IGSF10: variants seen among roughly 807,000 people sequenced by gnomAD.
IGSF10 encodes calvaria mechanical force protein 608.
Under a neutral mutation model 128.2 loss-of-function variants are expected in IGSF10, and 126 were observed. The observed-to-expected ratio is 0.98, with a 90% CI of 0.85 to 1.14. The LOEUF is 1.14. Ranked by LOEUF, IGSF10 falls within the 50% of genes most tolerant of loss-of-function variation. IGSF10 has a pLI of 0.00. For missense variants in IGSF10, 3,295 were observed against 3,149.8 expected (o/e 1.05, Z -1.10); for synonymous variants, 1,185 against 1,146.2 (o/e 1.03, Z -0.68).
the IGSF10 span, among the ~76,000 whole-genome samples, chr3:151,489,496 C>A: frequency 0.039 from 5,945 of 152,116 alleles, 380 homozygotes; most frequent in African/African-American, 0.14. Context: ...GATTATAAAT[C>A]TTTCTACTAT....
chr3:151,445,891 G>C lies in IGSF10; in HGVS notation c.4090C>G (p.Gln1364Glu), dbSNP rs752253062. 55 of 1,614,052 alleles carry C rather than the reference G, an allele frequency of 3.4e-5. 1 individual carries two copies. In the South Asian group the frequency reaches 5.8e-4, roughly 17 times the overall value. The change falls in exon 6 of 8, where the codon CAG (glutamine) becomes GAG (glutamate). Residue 1364 changes from glutamine to glutamate, a missense_variant. Coordinates refer to ENST00000282466, the MANE Select transcript of IGSF10 (RefSeq NM_178822.5). ...NRTDPNISPDQSSGFTTPTAM... is the reference protein window; with the variant it reads ...NRTDPNISPDESSGFTTPTAM... ...GTGGGTGTAGTGAAGCCAGAACTCT[G>C]GTCTGGAGAGATGTTTGGGTCAGTC...
At chr3:151,558,787 G>T in the IGSF10 span, among the ~76,000 whole-genome samples, 1 of 152,132 alleles carries the variant, frequency 6.6e-6, no homozygotes. Context: ...CTCTGGAGGG[G>T]TCACCTTTTG....
chr3:151,467,887 A>AG, the IGSF10 span, among the ~76,000 whole-genome samples: 2 of 149,724 alleles, frequency 1.3e-5, no homozygotes, highest in South Asian at 2.1e-4. Context: ...ATCTCAAAAA[A>AG]AAAAAGAAAA....
At chr3:151,476,367 T>C in the IGSF10 span, among the ~76,000 whole-genome samples, 1 of 151,946 alleles carries the variant, frequency 6.6e-6, no homozygotes, top group Non-Finnish European at 1.5e-5. Flanking sequence ...AATGAGCGCC[T>C]GGGTGTAGGT....
intron 3 of IGSF10, among the ~76,000 whole-genome samples, chr3:151,457,823 C>G (rs1721869545): frequency 6.6e-6 from 1 of 152,118 alleles, no homozygotes; most frequent in African/African-American, 2.4e-5. Flanking sequence ...ACTTTGTATG[C>G]TCTATTAGTT....
chr3:151,445,928 T>C lies in IGSF10; in HGVS notation c.4053A>G (p.Gln1351=). ...AQTIQREQEP[Q]KKNRTDPNIS... ...TGTTTGGGTCAGTCCTGTTCTTCTT[T>C]TGAGGCTCCTGTTCTCTTTGTATTG... Residue 1351 remains glutamine (Q), a synonymous_variant, in exon 6 of 8, where the codon CAA becomes CAG. Transcript: ENST00000282466. The C allele has an allele frequency of 6.2e-7, 1 of 1,614,198 alleles. No individual in the cohort carries two copies. Among genetic ancestry groups the C allele is most frequent in the Non-Finnish European group, 8.5e-7 (1 of 1,180,026 alleles).
At chr3:151,569,235 C>G in the IGSF10 span, among the ~76,000 whole-genome samples, 1 of 152,148 alleles carries the variant, frequency 6.6e-6, no homozygotes, top group Non-Finnish European at 1.5e-5. Context: ...CCACATCCGG[C>G]AAAGTTTTGT....
the IGSF10 span, among the ~76,000 whole-genome samples, chr3:151,486,491 A>G: frequency 2.0e-5 from 3 of 152,136 alleles, no homozygotes; most frequent in Middle Eastern, 3.2e-3. Context: ...AGAATTCTCC[A>G]CCCCAAATGA....
the IGSF10 span, among the ~76,000 whole-genome samples, chr3:151,466,980 G>A: frequency 6.6e-6 from 1 of 152,062 alleles, no homozygotes; most frequent in African/African-American, 2.4e-5. Context: ...GTATTTGTGA[G>A]GCATATTGGA....
At chr3:151,438,701 C>A in intron 7 of IGSF10, 104 bp from the exon 8 acceptor site, 1 of 765,300 alleles carries the variant, frequency 1.3e-6, no homozygotes, top group Non-Finnish European at 2.1e-6. Context: ...GAAGCATGAC[C>A]AATGAAAATT....
chr3:151,512,169 C>A, the IGSF10 span, among the ~76,000 whole-genome samples: 2 of 152,186 alleles, frequency 1.3e-5, no homozygotes, highest in Non-Finnish European at 2.9e-5. Context: ...ACATTCTTTT[C>A]AACACCACAC....
chr3:151,571,255 C>T, the IGSF10 span, among the ~76,000 whole-genome samples: 24 of 152,220 alleles, frequency 1.6e-4, no homozygotes, highest in African/African-American at 5.1e-4. Flanking sequence ...TGGTTTTTTC[C>T]AATTCTGTGA....
In IGSF10 at chr3:151,437,789, G is replaced by C; in HGVS notation, c.6772C>G (p.His2258Asp). The change falls in exon 8 of 8, where the codon CAC (histidine) becomes GAC (aspartate). Residue 2258 changes from histidine to aspartate, a missense_variant. By Grantham distance (81) the His-to-Asp change is moderately conservative. Transcript: ENST00000282466. The stretch of plus-strand genomic sequence containing the variant: ...GTCCCTTCAGCTCTGCAGTCAAAGT[G>C]TTTTTTGGAATGTCTCACAGCTGTG... Reference protein sequence around the residue: ...KATAVRHSKKHFDCRAEGTPS... With the variant: ...KATAVRHSKKDFDCRAEGTPS... The C allele has an allele frequency of 6.2e-7, 1 of 1,613,786 alleles. No individual in the cohort carries two copies. Among genetic ancestry groups the C allele is most frequent in the Non-Finnish European group, 8.5e-7 (1 of 1,179,944 alleles).
the IGSF10 span, among the ~76,000 whole-genome samples, chr3:151,495,586 T>TA: frequency 0.48 from 72,665 of 151,750 alleles, 17,785 homozygotes; most frequent in African/African-American, 0.57. Context: ...CTGTTTTTTT[T>TA]ATCAGACCTT....
At chr3:151,459,908 G>A (rs572880457) in intron 2 of IGSF10, among the ~76,000 whole-genome samples, 1 of 152,164 alleles carries the variant, frequency 6.6e-6, no homozygotes, top group East Asian at 1.9e-4. Flanking sequence ...TGAACTGCTT[G>A]GATTTTCATA....
the IGSF10 span, among the ~76,000 whole-genome samples, chr3:151,501,248 T>C: frequency 1.3e-5 from 2 of 152,110 alleles, no homozygotes. Context: ...TTCCCTGTCT[T>C]CCGCACTTTT....
chr3:151,457,146 G>A lies in IGSF10; in HGVS notation c.204C>T (p.Ser68=), dbSNP rs911636671. 2.5e-6 allele frequency: 4 copies of A among 1,613,972 alleles called. No homozygotes were observed. Among genetic ancestry groups the A allele is most frequent in the Non-Finnish European group, 3.4e-6 (4 of 1,179,986 alleles). The change falls in exon 4 of 8, where the codon AGC becomes AGT. Residue 68 remains serine, a synonymous_variant. Coordinates refer to ENST00000282466, the MANE Select transcript of IGSF10 (RefSeq NM_178822.5). ...NVERINLGYN[S]LVRLMETDFS... Reference sequence around the variant, plus strand: ...AATCTGTTTCCATCAATCTAACCAAGCTGTTGTATCTGAAATAAAAAATGA... The same window carrying A: ...AATCTGTTTCCATCAATCTAACCAAACTGTTGTATCTGAAATAAAAAATGA...
In IGSF10 at chr3:151,458,636, C is replaced by G; in HGVS notation, c.74G>C (p.Gly25Ala). Residue 25 changes from glycine to alanine, a missense_variant, in exon 3 of 8, where the codon GGG becomes GCG. Coordinates refer to ENST00000282466, the MANE Select transcript of IGSF10 (RefSeq NM_178822.5). Reference sequence around the variant, plus strand: ...ACAGCGGCGAGGACAGGCCTTGCCCCCAGGGGTGGCGACCAGGCAGATCAC... The same window carrying G: ...ACAGCGGCGAGGACAGGCCTTGCCCGCAGGGGTGGCGACCAGGCAGATCAC... ...FAVICLVATPGGKACPRRCAC... is the reference protein window; with the variant it reads ...FAVICLVATPAGKACPRRCAC... 1 of 1,614,106 alleles carries G rather than the reference C, an allele frequency of 6.2e-7. No individual in the cohort carries two copies. The highest frequency in any genetic ancestry group is 8.5e-7 in the Non-Finnish European group (1 of 1,180,008).
At chr3:151,612,823 C>A in the IGSF10 span, among the ~76,000 whole-genome samples, 1 of 152,088 alleles carries the variant, frequency 6.6e-6, no homozygotes, top group African/African-American at 2.4e-5. Flanking sequence ...AAAGAAGACA[C>A]ACACTCTGCC....
Sources: gnomAD v4.1 joint callset for allele counts (sites outside exome capture counted in the v4.1 genomes callset) on GRCh38, gnomAD v4.1.1 for gene constraint, MANE v1.5 for transcripts, NCBI Gene and HGNC (gene_info 2026-07-23, HGNC 2026-07-21) for gene names.